Variants in RORB observed in about 807,000 individuals in gnomAD.
RORB encodes the protein nuclear receptor ROR-beta.
A neutral mutation model predicts 59.1 loss-of-function variants in RORB; 6 were observed. The ratio of observed to expected loss-of-function variants is 0.10; its 90% CI spans 0.06 to 0.20. The LOEUF (loss-of-function observed/expected upper bound fraction) is 0.20, where lower values mean the gene tolerates loss of function less well. Among genes scored for constraint, RORB ranks in the 10% least tolerant of loss-of-function variants. The probability of loss-of-function intolerance (pLI) is 1.00; values close to 1 mark genes in which losing one functional copy is unlikely to be tolerated. For synonymous variants in RORB, 215 were observed against 204.5 expected (o/e 1.05, Z -0.44); for missense variants, 320 against 560.5 (o/e 0.57, Z 4.33).
chr9:74,631,911 C>T (rs1397734335), intron 2 of RORB, among the ~76,000 whole-genome samples: 2 of 152,130 alleles, frequency 1.3e-5, no homozygotes, highest in Non-Finnish European at 2.9e-5. Context: ...GGCAGATAGA[C>T]AAATAGTTTT....
intron 1 of RORB, among the ~76,000 whole-genome samples, chr9:74,532,799 G>A (rs989719941): frequency 1.5e-4 from 20 of 129,358 alleles, no homozygotes; most frequent in Admixed American, 1.5e-3. Context: ...TATATACATA[G>A]ATACGTATAT....
chr9:74,544,276 A>G (rs944832041), intron 1 of RORB, among the ~76,000 whole-genome samples: 2 of 152,128 alleles, frequency 1.3e-5, no homozygotes, highest in African/African-American at 4.8e-5. Flanking sequence ...CGGAGGCTGA[A>G]AAGGCAAAGT....
intron 4 of RORB, among the ~76,000 whole-genome samples, chr9:74,649,430 G>T (rs1195120337): frequency 1.3e-5 from 2 of 152,104 alleles, no homozygotes; most frequent in Non-Finnish European, 2.9e-5. Context: ...AATTCTCCCA[G>T]TTTGGGGCCA....
At chr9:74,500,290 C>T (rs1314176196) in intron 1 of RORB, among the ~76,000 whole-genome samples, 1 of 152,138 alleles carries the variant, frequency 6.6e-6, no homozygotes, top group Non-Finnish European at 1.5e-5. Context: ...TCTTTCCTTA[C>T]TACCTCTTCA....
At chr9:74,676,344 G>A (rs868025534) in intron 9 of RORB, among the ~76,000 whole-genome samples, 1 of 152,176 alleles carries the variant, frequency 6.6e-6, no homozygotes, top group African/African-American at 2.4e-5. Context: ...AAGCTGTATT[G>A]AGAAGTTTGA....
intron 1 of RORB, among the ~76,000 whole-genome samples, chr9:74,567,028 C>A (rs1229394472): frequency 1.3e-5 from 2 of 151,500 alleles, no homozygotes; most frequent in African/African-American, 4.8e-5. Context: ...ATGCCCACCC[C>A]ACCCTTTTTT....
In RORB at chr9:74,655,861, A is replaced by T. The variant is rs185814030; in HGVS notation, c.638-4756A>T. 6.6e-4 allele frequency among the ~76,000 whole-genome samples: 100 copies of T among 152,256 alleles called. No individual in the cohort carries two copies. In the East Asian group the frequency reaches 0.01, roughly 15 times the overall value. On this transcript the variant is annotated intron_variant, in intron 4 of 9. Coordinates refer to ENST00000376896, the MANE Select transcript of RORB (RefSeq NM_006914.4). ...TAACAAGCTGAGCTTTGAGAGGGTC[A>T]AGTCGGTTTTTGCACATGGCTCACC... is the stretch of plus-strand genomic sequence containing the variant.
At chr9:74,562,234 T>A (rs927608557) in intron 1 of RORB, among the ~76,000 whole-genome samples, 3 of 152,188 alleles carry the variant, frequency 2.0e-5, no homozygotes, top group African/African-American at 7.2e-5. Flanking sequence ...CAGTTATATG[T>A]CAGATGTAAC....
chr9:74,618,598 A>G (rs1274113720), intron 1 of RORB, among the ~76,000 whole-genome samples: 1 of 152,146 alleles, frequency 6.6e-6, no homozygotes, highest in Non-Finnish European at 1.5e-5. Flanking sequence ...CCAACCAGAA[A>G]AAGACATGTT....
intron 1 of RORB, among the ~76,000 whole-genome samples, chr9:74,504,412 T>C (rs552139293): frequency 1.8e-3 from 278 of 152,174 alleles, no homozygotes; most frequent in Middle Eastern, 6.8e-3. Flanking sequence ...GAAATAGGCA[T>C]GTTTTTACAA....
At chr9:74,656,754 CA>C (rs1038769465) in intron 4 of RORB, among the ~76,000 whole-genome samples, 28 of 151,944 alleles carry the variant, frequency 1.8e-4, no homozygotes, top group Admixed American at 1.4e-3. Flanking sequence ...ATAAATAAGA[CA>C]AAAAACAGAC....
intron 1 of RORB, among the ~76,000 whole-genome samples, chr9:74,563,433 C>T (rs1320819208): frequency 6.6e-6 from 1 of 152,168 alleles, no homozygotes; most frequent in Non-Finnish European, 1.5e-5. Flanking sequence ...ATCCACCTGC[C>T]TTGGCCTCCC....
At chr9:74,556,184 T>C (rs1563936508) in intron 1 of RORB, among the ~76,000 whole-genome samples, 2 of 152,170 alleles carry the variant, frequency 1.3e-5, no homozygotes, top group African/African-American at 4.8e-5. Context: ...TTGAAATAAC[T>C]TCTGTAAGTC....
chr9:74,599,974 T>C (rs1823029488), intron 1 of RORB, among the ~76,000 whole-genome samples: 2 of 152,234 alleles, frequency 1.3e-5, no homozygotes, highest in South Asian at 4.1e-4. Context: ...GATTTTTCTC[T>C]AGTGAATTTC....
At chr9:74,666,994 A>T (rs1310868479) in intron 7 of RORB, among the ~76,000 whole-genome samples, 1 of 152,348 alleles carries the variant, frequency 6.6e-6, no homozygotes, top group East Asian at 1.9e-4. Flanking sequence ...ATGGCAGCCA[A>T]CAACAAGTCC....
At position 74,642,435 on chromosome 9, in the gene RORB, C is replaced by A; in HGVS notation, c.257C>A (p.Ser86Tyr). ...CCAGCTGTGAAGTTTGGGAGGATGT[C>A]CAAGAAGCAAAGGGACAGCCTGTAT... ...SRDAVKFGRM[S>Y]KKQRDSLYAE... Residue 86 changes from serine to tyrosine, a missense_variant, in exon 4 of 10, where the codon TCC (serine) becomes TAC (tyrosine). Ser to Tyr is a moderately radical substitution (Grantham distance 144). Transcript: ENST00000376896. 6.2e-7 allele frequency: 1 copy of A among 1,610,910 alleles called. No homozygotes were observed. The highest frequency in any genetic ancestry group is 1.1e-5 in the South Asian group (1 of 90,736).
At position 74,692,424 on chromosome 9, in the gene RORB, T is replaced by C. The variant is rs1384005836; in HGVS notation, c.*6806T>C. 1 of 152,226 alleles carries C rather than the reference T, an allele frequency of 6.6e-6. No homozygotes were observed. The highest frequency in any genetic ancestry group is 1.5e-5 in the Non-Finnish European group (1 of 68,042). 9.4% of individuals were successfully genotyped at this position (152,226 alleles called of 1,614,324 possible). ...AGGATTGAGAGAAATGATTTTCATA[T>C]ACTTCCAACATTCAGAGATTTAATG... On this transcript the variant is annotated 3_prime_UTR_variant, in exon 10 of 10. Transcript: ENST00000376896.
Position 74,685,668 on chromosome 9 carries a change from C to T in RORB, c.*50C>T. ...GTCATGGAATGCATCACCATTAAGA[C>T]AAAAGCAATGTGTTCATGAAGACTT... On this transcript the variant is annotated 3_prime_UTR_variant, in exon 10 of 10. Transcript: ENST00000376896. 7 of 1,423,646 alleles carry T rather than the reference C, an allele frequency of 4.9e-6. No individual in the cohort carries two copies. The highest frequency in any genetic ancestry group is 6.6e-6 in the Non-Finnish European group (7 of 1,057,256). 88.2% of individuals were successfully genotyped at this position (1,423,646 alleles called of 1,614,324 possible). A position where few individuals can be genotyped will look rare whatever the true frequency, so the allele number is the denominator to read the frequency against.
intron 1 of RORB, among the ~76,000 whole-genome samples, chr9:74,619,594 G>A (rs1445474060): frequency 6.6e-6 from 1 of 152,098 alleles, no homozygotes; most frequent in Non-Finnish European, 1.5e-5. Flanking sequence ...TGGGATTACA[G>A]GTGTGCACCA....
Sources: allele counts gnomAD v4.1 joint callset (sites outside exome capture counted in the v4.1 genomes callset), GRCh38; gene constraint gnomAD v4.1.1; transcripts MANE v1.5; gene names NCBI Gene and HGNC (gene_info 2026-07-23, HGNC 2026-07-21).